The following LARGE1 variants were observed in gnomAD, a reference collection of about 807,000 sequenced individuals.
The protein encoded by LARGE1 is xylosyl- and glucuronyltransferase LARGE1.
A neutral mutation model predicts 87.6 loss-of-function variants in LARGE1; 43 were observed. That is an observed-to-expected ratio of 0.49 (90% CI 0.38 to 0.63). The LOEUF (loss-of-function observed/expected upper bound fraction) is 0.63. Among genes scored for constraint, LARGE1 ranks in the 30% least tolerant of loss-of-function variants. LARGE1 has a pLI of 0.00. For synonymous variants in LARGE1, 434 were observed against 394.6 expected, an observed-to-expected ratio of 1.10 and a Z score of -1.18; for missense variants, 802 against 1,000.2, an observed-to-expected ratio of 0.80 and a Z score of 2.67.
At chr22:33,660,432 A>G (rs146389913) in intron 2 of LARGE1, among the ~76,000 whole-genome samples, 1 of 152,198 alleles carries the variant, frequency 6.6e-6, no homozygotes, top group Non-Finnish European at 1.5e-5. Context: ...GTGAATAGAT[A>G]TTCACCGCAA....
intron 3 of LARGE1, among the ~76,000 whole-genome samples, chr22:33,639,100 T>C (rs1602899776): frequency 6.6e-6 from 1 of 152,282 alleles, no homozygotes; most frequent in South Asian, 2.1e-4. Flanking sequence ...GAAAAGTGCT[T>C]CCTTTCTGCC....
chr22:33,195,403 T>C (rs1248407479), intron 11 of LARGE1, among the ~76,000 whole-genome samples: 1 of 152,140 alleles, frequency 6.6e-6, no homozygotes, highest in African/African-American at 2.4e-5. Flanking sequence ...TTTTATATTA[T>C]ATTTATCATT....
intron 7 of LARGE1, among the ~76,000 whole-genome samples, chr22:33,422,283 C>T (rs544238164): frequency 6.6e-4 from 100 of 152,266 alleles, no homozygotes; most frequent in African/African-American, 7.5e-4. Context: ...AGTCTGTTCT[C>T]GTGTTGCTAC....
chr22:33,367,440 C>G (rs1311928903), intron 9 of LARGE1, among the ~76,000 whole-genome samples: 1 of 152,136 alleles, frequency 6.6e-6, no homozygotes, highest in Non-Finnish European at 1.5e-5. Flanking sequence ...TTTTTAGAGA[C>G]AGGGTCTCAT....
chr22:33,775,848 T>C (rs554366199), intron 1 of LARGE1, among the ~76,000 whole-genome samples: 473 of 119,654 alleles, frequency 4.0e-3, no homozygotes, highest in Admixed American at 5.4e-3. Context: ...CAAGTCACTG[T>C]CTTAAAAAAA....
chr22:33,374,650 T>A (rs2064934312), intron 9 of LARGE1, among the ~76,000 whole-genome samples: 1 of 152,194 alleles, frequency 6.6e-6, no homozygotes, highest in African/African-American at 2.4e-5. Flanking sequence ...GTATCTCTCA[T>A]CTTGTAGAAA....
chr22:33,422,897 T>A (rs891210714), intron 7 of LARGE1, among the ~76,000 whole-genome samples: 3 of 151,994 alleles, frequency 2.0e-5, no homozygotes, highest in African/African-American at 7.3e-5. Context: ...AGGCCCCACC[T>A]AAACACTGGG....
At chr22:33,266,769 T>C (rs892445066) in intron 11 of LARGE1, among the ~76,000 whole-genome samples, 1 of 151,360 alleles carries the variant, frequency 6.6e-6, no homozygotes, top group Non-Finnish European at 1.5e-5. Context: ...ACCAACAGAC[T>C]CCTGTCTGCT....
At chr22:33,535,128 C>T (rs1393749850) in intron 6 of LARGE1, among the ~76,000 whole-genome samples, 2 of 152,206 alleles carry the variant, frequency 1.3e-5, no homozygotes, top group Admixed American at 1.3e-4. Flanking sequence ...GGGGCCTCCC[C>T]CGTCAGGGCG....
Position 33,650,425 on chromosome 22 carries a change from C to A in LARGE1, c.350G>T (p.Gly117Val). Reference protein sequence around the residue: ...GTGDSENLRAGIVAGNSSECG... With the variant: ...GTGDSENLRAVIVAGNSSECG... ...CTCGGAGCTGTTGCCTGCCACGATG[C>A]CAGCCCGAAGGTTCTCGCTGTCTCC... is the stretch of plus-strand genomic sequence containing the variant. Residue 117 changes from glycine to valine, a missense_variant, in exon 3 of 15, where the codon GGC becomes GTC. Gly to Val is a moderately radical substitution (Grantham distance 109). Transcript: ENST00000397394. 6.2e-7 allele frequency: 1 copy of A among 1,614,152 alleles called. No individual in the cohort carries two copies.
the LARGE1 span, among the ~76,000 whole-genome samples, chr22:33,083,858 C>A: frequency 6.6e-6 from 1 of 152,180 alleles, no homozygotes; most frequent in Admixed American, 6.5e-5. Flanking sequence ...AACCTCCCAG[C>A]AAGAGTTTAC....
chr22:33,557,115 G>A (rs1358029155), intron 6 of LARGE1, among the ~76,000 whole-genome samples: 1 of 152,160 alleles, frequency 6.6e-6, no homozygotes, highest in Non-Finnish European at 1.5e-5. Context: ...TAAACCCTAT[G>A]GGGCGGTTAT....
intron 12 of LARGE1, among the ~76,000 whole-genome samples, chr22:33,303,514 G>GCAT (rs1183082509): frequency 6.6e-6 from 1 of 152,182 alleles, no homozygotes; most frequent in South Asian, 2.1e-4. Flanking sequence ...TAAGCACTAG[G>GCAT]CATCATCATC....
At chr22:33,496,420 A>G (rs978882342) in intron 6 of LARGE1, among the ~76,000 whole-genome samples, 4 of 152,130 alleles carry the variant, frequency 2.6e-5, no homozygotes, top group African/African-American at 9.7e-5. Flanking sequence ...AGTGAGATTA[A>G]TGCCCTTATA....
At chr22:33,113,205 CTTT>C in the LARGE1 span, among the ~76,000 whole-genome samples, 92 of 127,372 alleles carry the variant, frequency 7.2e-4, 1 homozygote, top group African/African-American at 1.3e-3. Context: ...ACTTAATTAT[CTTT>C]TTTTTTTTTT....
intron 6 of LARGE1, among the ~76,000 whole-genome samples, chr22:33,446,661 G>A (rs1359669359): frequency 2.0e-5 from 3 of 152,174 alleles, no homozygotes; most frequent in African/African-American, 4.8e-5. Context: ...CGAGGGAGAC[G>A]AGGCTGAAGC....
At chr22:33,790,507 T>C (rs936485085) in intron 1 of LARGE1, among the ~76,000 whole-genome samples, 4 of 152,182 alleles carry the variant, frequency 2.6e-5, no homozygotes, top group Non-Finnish European at 5.9e-5. Flanking sequence ...TTTTTAACTC[T>C]AGAACTCTAC....
At chr22:33,632,210 T>TG (rs1211667429) in intron 3 of LARGE1, among the ~76,000 whole-genome samples, 1 of 151,992 alleles carries the variant, frequency 6.6e-6, no homozygotes, top group Admixed American at 6.6e-5. Context: ...CCAACCTCCG[T>TG]GTCCCAGGTT....
intron 1 of LARGE1, among the ~76,000 whole-genome samples, chr22:33,897,456 A>G (rs1277428294): frequency 1.3e-5 from 2 of 152,158 alleles, no homozygotes; most frequent in Non-Finnish European, 1.5e-5. Context: ...GCAGGAGGCA[A>G]GCTGGGCCTG....
Sources: allele counts gnomAD v4.1 joint callset (sites outside exome capture counted in the v4.1 genomes callset), GRCh38; gene constraint gnomAD v4.1.1; transcripts MANE v1.5; gene names NCBI Gene and HGNC (gene_info 2026-07-23, HGNC 2026-07-21).